PLPP3: variants seen among roughly 807,000 people sequenced by gnomAD.
PLPP3 encodes phospholipid phosphatase 3.
PLPP3 carries 6 observed loss-of-function variants against 29.6 expected under a neutral mutation model. The ratio of observed to expected loss-of-function variants is 0.20; its 90% confidence interval spans 0.11 to 0.40. The LOEUF is 0.40. Ranked by LOEUF, PLPP3 falls within the 10% of genes least tolerant of loss-of-function variation. The pLI, the probability that PLPP3 is intolerant of heterozygous loss-of-function variation, is 1.00. For synonymous variants in PLPP3, 152 were observed against 159.7 expected (o/e 0.95, Z 0.36); for missense variants, 308 against 407.7 (o/e 0.76, Z 2.11).
intron 1 of PLPP3, among the ~76,000 whole-genome samples, chr1:56,538,085 C>T (rs1645940279): frequency 6.6e-6 from 1 of 152,186 alleles, no homozygotes; most frequent in South Asian, 2.1e-4. Context: ...TCCTGAAGGG[C>T]TTGGACCATG....
chr1:56,568,974 C>T (rs543008563), intron 1 of PLPP3, among the ~76,000 whole-genome samples: 4 of 151,944 alleles, frequency 2.6e-5, no homozygotes, highest in East Asian at 2.0e-4. Flanking sequence ...ACAGTACCCT[C>T]GGTTCAGCTT....
chr1:56,573,420 A>C (rs984253828), intron 1 of PLPP3, among the ~76,000 whole-genome samples: 13 of 152,252 alleles, frequency 8.5e-5, no homozygotes, highest in Non-Finnish European at 1.9e-4. Flanking sequence ...ACAACCTAAC[A>C]ATGCAGAAAA....
Position 56,496,053 on chromosome 1 carries a change from A to G in PLPP3, c.*498T>C, listed in dbSNP as rs1413964477. On this transcript the variant is annotated 3_prime_UTR_variant, in exon 6 of 6. Coordinates refer to ENST00000371250, the MANE Select transcript of PLPP3 (RefSeq NM_003713.5). Reference sequence around the variant, plus strand: ...CTGAGCAAACTTGCTCTTTCCTTTTATTTAAAACACAAAACAAAACTTCCT... The same window carrying G: ...CTGAGCAAACTTGCTCTTTCCTTTTGTTTAAAACACAAAACAAAACTTCCT... The G allele has an allele frequency of 6.5e-6, 1 of 153,992 alleles. No individual in the cohort carries two copies. Among genetic ancestry groups the G allele is most frequent in the Non-Finnish European group, 1.4e-5 (1 of 68,984 alleles). The allele number at this position is 153,992 out of a possible 1,614,324, so 9.5% of individuals were successfully genotyped here.
At position 56,579,111 on chromosome 1, in the gene PLPP3, G is replaced by A; in HGVS notation, c.-95C>T. On this transcript the variant is annotated 5_prime_UTR_variant, in exon 1 of 6. Transcript: ENST00000371250. Reference sequence around the variant, plus strand: ...CCCGGGTCGCCTCCTGGCCGAGGCTGCTGCGGATAGTGGCGGGTCGGCCCC... The same window carrying A: ...CCCGGGTCGCCTCCTGGCCGAGGCTACTGCGGATAGTGGCGGGTCGGCCCC... 6.6e-7 allele frequency: 1 copy of A among 1,513,448 alleles called. No individual in the cohort carries two copies. Among genetic ancestry groups the A allele is most frequent in the African/African-American group, 1.5e-5 (1 of 68,566 alleles). 93.8% of individuals were successfully genotyped at this position (1,513,448 alleles called of 1,614,324 possible).
At chr1:56,547,665 G>C (rs574801330) in intron 1 of PLPP3, among the ~76,000 whole-genome samples, 1 of 152,136 alleles carries the variant, frequency 6.6e-6, no homozygotes, top group Non-Finnish European at 1.5e-5. Flanking sequence ...GGAGACTGCT[G>C]CTCAGTGATT....
At chr1:56,574,767 A>G (rs1301985614) in intron 1 of PLPP3, among the ~76,000 whole-genome samples, 1 of 152,206 alleles carries the variant, frequency 6.6e-6, no homozygotes, top group Admixed American at 6.5e-5. Flanking sequence ...AATTTTCAAC[A>G]TTAATTCTTT....
At chr1:56,501,445 T>C (rs962330569) in intron 5 of PLPP3, among the ~76,000 whole-genome samples, 1 of 152,202 alleles carries the variant, frequency 6.6e-6, no homozygotes, top group East Asian at 1.9e-4. Context: ...ATCACTTTTA[T>C]CTAATTCCAA....
At chr1:56,559,800 C>A (rs1646109091) in intron 1 of PLPP3, among the ~76,000 whole-genome samples, 2 of 152,072 alleles carry the variant, frequency 1.3e-5, no homozygotes, top group African/African-American at 4.8e-5. Context: ...TATCTCTGAG[C>A]CTGGTTTTCC....
At chr1:56,505,863 G>A (rs1418248456) in intron 5 of PLPP3, among the ~76,000 whole-genome samples, 1 of 152,216 alleles carries the variant, frequency 6.6e-6, no homozygotes, top group Non-Finnish European at 1.5e-5. Flanking sequence ...TAGTCCCCAT[G>A]TTGTTCAAGG....
chr1:56,551,164 T>C (rs1224688087), intron 1 of PLPP3, among the ~76,000 whole-genome samples: 1 of 152,178 alleles, frequency 6.6e-6, no homozygotes, highest in East Asian at 1.9e-4. Flanking sequence ...ATATACATAT[T>C]ATCCACAGAT....
At chr1:56,505,887 G>A (rs931564115) in intron 5 of PLPP3, among the ~76,000 whole-genome samples, 1 of 152,168 alleles carries the variant, frequency 6.6e-6, no homozygotes, top group Non-Finnish European at 1.5e-5. Flanking sequence ...ACTGTATTTT[G>A]AACAGTTGTA....
intron 1 of PLPP3, 97 bp from the exon 2 acceptor site, chr1:56,537,209 C>A: frequency 7.7e-7 from 1 of 1,301,440 alleles, no homozygotes; most frequent in Non-Finnish European, 1.1e-6. Context: ...AAAAGACCAT[C>A]CCAAATATCA....
intron 4 of PLPP3, among the ~76,000 whole-genome samples, chr1:56,515,836 G>T (rs1396315878): frequency 6.6e-6 from 1 of 152,074 alleles, no homozygotes; most frequent in Non-Finnish European, 1.5e-5. Flanking sequence ...TTACTAAGTG[G>T]GTGGTCAGTT....
chr1:56,500,198 A>C (rs2100218530), intron 5 of PLPP3, among the ~76,000 whole-genome samples: 1 of 152,354 alleles, frequency 6.6e-6, no homozygotes, highest in African/African-American at 2.4e-5. Context: ...CTCCAAAAAT[A>C]TGAAGATGAA....
intron 1 of PLPP3, among the ~76,000 whole-genome samples, chr1:56,566,649 T>G (rs1213780072): frequency 6.6e-6 from 1 of 152,202 alleles, no homozygotes; most frequent in African/African-American, 2.4e-5. Flanking sequence ...TTTGAAACAT[T>G]TCCCTTATTC....
At chr1:56,576,387 G>A (rs1030593606) in intron 1 of PLPP3, among the ~76,000 whole-genome samples, 3 of 152,160 alleles carry the variant, frequency 2.0e-5, no homozygotes, top group African/African-American at 4.8e-5. Context: ...TGTGGTGTGC[G>A]GAATATTAAA....
chr1:56,560,196 C>T (rs755748827), intron 1 of PLPP3, among the ~76,000 whole-genome samples: 9 of 152,126 alleles, frequency 5.9e-5, no homozygotes, highest in Non-Finnish European at 1.2e-4. Context: ...CATTAGACCT[C>T]GACACCCAGC....
intron 1 of PLPP3, among the ~76,000 whole-genome samples, chr1:56,561,625 CT>C (rs1396173308): frequency 3.3e-5 from 5 of 152,012 alleles, no homozygotes; most frequent in South Asian, 2.1e-4. Flanking sequence ...TCTTTATATA[CT>C]TTTTTTCAAT....
intron 2 of PLPP3, among the ~76,000 whole-genome samples, chr1:56,534,580 C>T (rs969943327): frequency 6.6e-6 from 1 of 152,138 alleles, no homozygotes; most frequent in Admixed American, 6.5e-5. Flanking sequence ...CTCCACCCTC[C>T]ACGTCTGTCA....
Sources: allele counts gnomAD v4.1 joint callset (sites outside exome capture counted in the v4.1 genomes callset), GRCh38; gene constraint gnomAD v4.1.1; transcripts MANE v1.5; gene names NCBI Gene and HGNC (gene_info 2026-07-23, HGNC 2026-07-21).